GABRG3: variants seen among roughly 807,000 people sequenced by gnomAD.
GABRG3 encodes the protein gamma-aminobutyric acid type A receptor subunit gamma3.
GABRG3 carries 25 observed loss-of-function variants against 48.8 expected under a neutral mutation model. That is an observed-to-expected ratio of 0.51 (90% CI 0.37 to 0.72). The LOEUF is 0.72. Among genes scored for constraint, GABRG3 ranks in the 30% least tolerant of loss-of-function variants. GABRG3 has a pLI of 0.00. For synonymous variants in GABRG3, 227 were observed against 217.6 expected (o/e 1.04, Z -0.38); for missense variants, 394 against 577.9 (o/e 0.68, Z 3.26).
intron 6 of GABRG3, among the ~76,000 whole-genome samples, chr15:27,513,214 G>A (rs951411369): frequency 5.4e-4 from 82 of 152,010 alleles, no homozygotes; most frequent in Non-Finnish European, 1.6e-4. Context: ...TTGGGAGGCC[G>A]AGGCAAGCAG....
intron 3 of GABRG3, among the ~76,000 whole-genome samples, chr15:27,305,101 T>G (rs2140495865): frequency 6.6e-6 from 1 of 152,044 alleles, no homozygotes; most frequent in South Asian, 2.1e-4. Flanking sequence ...CATTTTGAGT[T>G]AACTTTCCAT....
At chr15:27,044,685 G>C (rs1329769587) in intron 3 of GABRG3, among the ~76,000 whole-genome samples, 3 of 152,204 alleles carry the variant, frequency 2.0e-5, no homozygotes, top group Non-Finnish European at 4.4e-5. Context: ...ATCAGAATAG[G>C]TTCAGAAAGT....
chr15:27,013,434 G>T (rs1895724425), intron 2 of GABRG3, among the ~76,000 whole-genome samples: 1 of 152,018 alleles, frequency 6.6e-6, no homozygotes, highest in African/African-American at 2.4e-5. Flanking sequence ...TCATATCCAA[G>T]AAATTATTAC....
intron 7 of GABRG3, among the ~76,000 whole-genome samples, chr15:27,523,629 T>C (rs980743654): frequency 3.3e-5 from 5 of 151,764 alleles, no homozygotes; most frequent in African/African-American, 1.2e-4. Context: ...ATGCTTCAAC[T>C]AAATGAAAAA....
chr15:27,233,947 A>G lies in GABRG3; in HGVS notation c.271-92862A>G, dbSNP rs187542567. Among the ~76,000 whole-genome samples, 116 of 152,334 alleles carry G rather than the reference A, an allele frequency of 7.6e-4. 1 individual carries two copies. The highest frequency in any genetic ancestry group is 7.5e-3 in the Admixed American group (115 of 15,298). ...TATGTGGGTCAAGTTATTTCAATTT[A>G]CAATATGACATTTTTTCCCTCTACA... On this transcript the variant is annotated intron_variant, in intron 3 of 9. Coordinates refer to ENST00000615808, the MANE Select transcript of GABRG3 (RefSeq NM_033223.5).
rs924881151 is a variant in GABRG3, at chr15:27,540,560, C to T, written c.*7679C>T. The T allele has an allele frequency of 2.0e-5, 3 of 152,136 alleles. No individual in the cohort carries two copies. The highest frequency in any genetic ancestry group is 4.4e-5 in the Non-Finnish European group (3 of 68,024). 9.4% of individuals were successfully genotyped at this position (152,136 alleles called of 1,614,324 possible). On this transcript the variant is annotated 3_prime_UTR_variant, in exon 10 of 10. Coordinates refer to ENST00000615808, the MANE Select transcript of GABRG3 (RefSeq NM_033223.5). Reference sequence around the variant, plus strand: ...ATTATATGATCTCTGTTTAGAATAACTATTTTATTAAAACAGTCTAAAAGA... The same window carrying T: ...ATTATATGATCTCTGTTTAGAATAATTATTTTATTAAAACAGTCTAAAAGA...
intron 3 of GABRG3, among the ~76,000 whole-genome samples, chr15:27,245,167 G>T (rs1432540664): frequency 3.3e-5 from 5 of 152,176 alleles, no homozygotes; most frequent in African/African-American, 1.2e-4. Flanking sequence ...TGTGGGAGAA[G>T]GGGAGGTGAG....
At chr15:27,488,883 A>T (rs1373206749) in intron 6 of GABRG3, among the ~76,000 whole-genome samples, 2 of 152,204 alleles carry the variant, frequency 1.3e-5, no homozygotes, top group South Asian at 2.1e-4. Context: ...GACTTTAAAA[A>T]ATTTTTTTTA....
At chr15:27,010,330 G>A (rs991461879) in intron 2 of GABRG3, among the ~76,000 whole-genome samples, 3 of 152,164 alleles carry the variant, frequency 2.0e-5, no homozygotes, top group Admixed American at 6.5e-5. Flanking sequence ...ATCAAGGAAC[G>A]CCCAGGCCAC....
intron 3 of GABRG3, among the ~76,000 whole-genome samples, chr15:27,037,743 T>A (rs1365428858): frequency 6.6e-6 from 1 of 152,162 alleles, no homozygotes; most frequent in Non-Finnish European, 1.5e-5. Flanking sequence ...GCCCGAGCTG[T>A]CTTATCTGTG....
intron 3 of GABRG3, among the ~76,000 whole-genome samples, chr15:27,174,289 T>G (rs1053149613): frequency 3.3e-5 from 5 of 152,262 alleles, no homozygotes. Flanking sequence ...AGCATTGATT[T>G]GTTCAAAAGA....
chr15:26,978,063 T>G (rs1366417567), intron 2 of GABRG3, among the ~76,000 whole-genome samples: 1 of 152,176 alleles, frequency 6.6e-6, no homozygotes, highest in Admixed American at 6.5e-5. Context: ...TTGTCTTAAT[T>G]TACATTTCCC....
intron 5 of GABRG3, among the ~76,000 whole-genome samples, chr15:27,470,386 G>A (rs1474893936): frequency 2.0e-5 from 3 of 151,692 alleles, no homozygotes; most frequent in Admixed American, 6.6e-5. Flanking sequence ...GCCATGCCCA[G>A]CTATTTTTTT....
chr15:26,977,514 A>G (rs568457357), intron 2 of GABRG3, among the ~76,000 whole-genome samples: 3 of 152,050 alleles, frequency 2.0e-5, no homozygotes, highest in Admixed American at 6.5e-5. Flanking sequence ...AATTTGTTCA[A>G]TTTGTTATTT....
intron 5 of GABRG3, among the ~76,000 whole-genome samples, chr15:27,410,350 T>A (rs1280893070): frequency 6.6e-6 from 1 of 152,150 alleles, no homozygotes; most frequent in Non-Finnish European, 1.5e-5. Flanking sequence ...ATACTATAGT[T>A]TTTTTGTACT....
chr15:27,057,139 T>A (rs998414590), intron 3 of GABRG3, among the ~76,000 whole-genome samples: 1 of 152,196 alleles, frequency 6.6e-6, no homozygotes, highest in Non-Finnish European at 1.5e-5. Flanking sequence ...TTTTAGTCCT[T>A]GATTCCATTT....
rs1001664118 is a variant in GABRG3, at chr15:27,535,675, G to T, written c.*2794G>T. ...AGAGCATGTCCATGCCGGGTTCTCC[G>T]CAGGCTTGCATAATTCAAGTTCTCC... On this transcript the variant is annotated 3_prime_UTR_variant, in exon 10 of 10. Coordinates refer to ENST00000615808, the MANE Select transcript of GABRG3 (RefSeq NM_033223.5). 1 of 152,196 alleles carries T rather than the reference G, an allele frequency of 6.6e-6. No homozygotes were observed. Among genetic ancestry groups the T allele is most frequent in the Non-Finnish European group, 1.5e-5 (1 of 68,044 alleles). 9.4% of individuals were successfully genotyped at this position (152,196 alleles called of 1,614,324 possible). A position where few individuals can be genotyped will look rare whatever the true frequency, so the allele number is the denominator to read the frequency against.
intron 3 of GABRG3, among the ~76,000 whole-genome samples, chr15:27,316,484 G>A (rs1165191877): frequency 1.3e-5 from 2 of 151,704 alleles, no homozygotes; most frequent in African/African-American, 2.4e-5. Flanking sequence ...ATAGAAAATT[G>A]GGAAGTCACG....
rs77008214 is a variant in GABRG3 at position 27,430,428 on chromosome 15, T to C, written c.575-50222T>C. Among the ~76,000 whole-genome samples the C allele has an allele frequency of 2.8e-3, 433 of 152,334 alleles. 2 individuals are homozygous for C. The highest frequency in any genetic ancestry group is 6.5e-3 in the Admixed American group (99 of 15,298). On this transcript the variant is annotated intron_variant, in intron 5 of 9. Coordinates refer to ENST00000615808, the MANE Select transcript of GABRG3 (RefSeq NM_033223.5). ...ATTAAAAATAATTTGACCTTTTTTTTCCTCTTGTTTTTGCTTTTGGTGTAT... is the reference window on the plus strand; with the variant it reads ...ATTAAAAATAATTTGACCTTTTTTTCCCTCTTGTTTTTGCTTTTGGTGTAT...
Sources: gnomAD v4.1 joint callset for allele counts (sites outside exome capture counted in the v4.1 genomes callset) on GRCh38, gnomAD v4.1.1 for gene constraint, MANE v1.5 for transcripts, NCBI Gene and HGNC (gene_info 2026-07-23, HGNC 2026-07-21) for gene names.